The following ATG2B variants were observed in gnomAD, a reference collection of about 807,000 sequenced individuals.
ATG2B encodes the protein autophagy-related protein 2 homolog B.
Under a neutral mutation model 241.3 loss-of-function variants are expected in ATG2B, and 121 were observed. The ratio of observed to expected loss-of-function variants is 0.50; its 90% CI spans 0.43 to 0.58. ATG2B has a LOEUF of 0.58. ATG2B is among the 20% of genes least tolerant of loss of function. The probability of loss-of-function intolerance (pLI) is 0.00; values close to 1 mark genes in which losing one functional copy is unlikely to be tolerated. For missense variants in ATG2B, 2,306 were observed against 2,491.6 expected, an observed-to-expected ratio of 0.93 and a Z score of 1.59; for synonymous variants, 858 against 876.6, an observed-to-expected ratio of 0.98 and a Z score of 0.37.
At chr14:96,329,372 T>C (rs1019776190) in intron 12 of ATG2B, 112 bp downstream of exon 12, 1 of 658,882 alleles carries the variant, frequency 1.5e-6, no homozygotes, top group Non-Finnish European at 2.4e-6. Context: ...AATGACAATA[T>C]TCCTCCTATG....
At chr14:96,317,357 T>C in intron 19 of ATG2B, 40 bp from the exon 20 acceptor site, 2 of 1,505,432 alleles carry the variant, frequency 1.3e-6, no homozygotes, top group Non-Finnish European at 1.8e-6. Context: ...TGATAGCATA[T>C]TAAAACAGCA....
At chr14:96,357,940 A>G (rs192337995) in intron 1 of ATG2B, among the ~76,000 whole-genome samples, 3 of 152,320 alleles carry the variant, frequency 2.0e-5, no homozygotes, top group African/African-American at 7.2e-5. Flanking sequence ...TGAACTATTA[A>G]AAACCTAACA....
chr14:96,358,310 A>T (rs543227419), intron 1 of ATG2B, among the ~76,000 whole-genome samples: 194 of 152,190 alleles, frequency 1.3e-3, no homozygotes, highest in Non-Finnish European at 2.0e-3. Flanking sequence ...GGTGGTGTAC[A>T]TCAGTAGTCC....
intron 29 of ATG2B, among the ~76,000 whole-genome samples, chr14:96,308,231 C>CATATATAT (rs1181364234): frequency 1.1e-4 from 2 of 17,604 alleles, no homozygotes; most frequent in African/African-American, 3.9e-4. Flanking sequence ...TATATATATA[C>CATATATAT]ATATATATAT....
chr14:96,324,082 AG>A, intron 15 of ATG2B, 84 bp from the exon 16 acceptor site: 1 of 885,276 alleles, frequency 1.1e-6, no homozygotes, highest in Non-Finnish European at 1.7e-6. Flanking sequence ...CCTCTCAATC[AG>A]GAACATAATG....
chr14:96,341,768 T>C, intron 5 of ATG2B, 67 bp from the exon 6 acceptor site: 1 of 1,181,634 alleles, frequency 8.5e-7, no homozygotes. Context: ...ATGTAAAATA[T>C]AAATGTCAAC....
rs893280361 is a variant in ATG2B, at chr14:96,294,944, A to C, written c.5426+16T>G. On this transcript the variant is annotated intron_variant, in intron 36 of 41. Coordinates refer to ENST00000359933, the MANE Select transcript of ATG2B (RefSeq NM_018036.7). ...TCTAAAATAACTTCATTTGTTATTAAAACTAAATTAGTTACCTAAAAAACA... is the reference window on the plus strand; with the variant it reads ...TCTAAAATAACTTCATTTGTTATTACAACTAAATTAGTTACCTAAAAAACA... 1 of 1,609,216 alleles carries C rather than the reference A, an allele frequency of 6.2e-7. No homozygotes were observed. The highest frequency in any genetic ancestry group is 8.5e-7 in the Non-Finnish European group (1 of 1,176,260).
intron 41 of ATG2B, among the ~76,000 whole-genome samples, chr14:96,288,148 A>G (rs940696397): frequency 6.6e-6 from 1 of 151,724 alleles, no homozygotes; most frequent in Non-Finnish European, 1.5e-5. Flanking sequence ...AGAGAACTAA[A>G]CTTTAAACCC....
chr14:96,360,400 T>C (rs1238170690), intron 1 of ATG2B, among the ~76,000 whole-genome samples: 10 of 152,222 alleles, frequency 6.6e-5, no homozygotes, highest in Admixed American at 4.6e-4. Flanking sequence ...AAAACTGTAT[T>C]TGGAAATGTT....
In ATG2B at chr14:96,363,232, C is replaced by A; in HGVS notation, c.-256G>T. On this transcript the variant is annotated 5_prime_UTR_variant, in exon 1 of 42. Transcript: ENST00000359933. ...CTTCCGAGGAGGGTCCCAACCGGCT[C>A]GGAGAGAGTGCAAGAGAGCGCGAGA... The A allele has an allele frequency of 4.3e-6, 2 of 460,130 alleles. 1 individual carries two copies. Among genetic ancestry groups the A allele is most frequent in the Non-Finnish European group, 7.8e-6 (2 of 255,986 alleles). 28.5% of individuals were successfully genotyped at this position (460,130 alleles called of 1,614,324 possible). A position where few individuals can be genotyped will look rare whatever the true frequency, so the allele number is the denominator to read the frequency against.
intron 6 of ATG2B, among the ~76,000 whole-genome samples, chr14:96,335,685 C>T (rs548969892): frequency 2.0e-5 from 3 of 152,210 alleles, no homozygotes; most frequent in South Asian, 2.1e-4. Context: ...ACTTATTTTA[C>T]GGGGCACCTT....
chr14:96,326,235 C>T (rs958119931), intron 14 of ATG2B, among the ~76,000 whole-genome samples: 5 of 152,134 alleles, frequency 3.3e-5, no homozygotes, highest in African/African-American at 4.8e-5. Flanking sequence ...ATAAAGAATA[C>T]GGTGTAAATT....
rs537357595 is a variant in ATG2B, at chr14:96,292,762, G to A, written c.5427-664C>T. On this transcript the variant is annotated intron_variant, in intron 36 of 41. Coordinates refer to ENST00000359933, the MANE Select transcript of ATG2B (RefSeq NM_018036.7). Reference sequence around the variant, plus strand: ...TTATCGACAAACAAATATAGGGAACGGTGTGAGAATGAAATTATAATTATA... The same window carrying A: ...TTATCGACAAACAAATATAGGGAACAGTGTGAGAATGAAATTATAATTATA... Among the ~76,000 whole-genome samples the A allele has an allele frequency of 3.3e-4, 50 of 152,304 alleles. No individual in the cohort carries two copies. In the South Asian group the frequency reaches 8.9e-3, roughly 27 times the overall value.
At position 96,279,296 on chromosome 14, in the gene ATG2B, G is replaced by C. The variant is rs1204148624; in HGVS notation, c.*6459C>G. The C allele has an allele frequency of 6.6e-6, 1 of 152,164 alleles. No homozygotes were observed. Among genetic ancestry groups the C allele is most frequent in the Non-Finnish European group, 1.5e-5 (1 of 68,032 alleles). The allele number at this position is 152,164 out of a possible 1,614,324, so 9.4% of individuals were successfully genotyped here. On this transcript the variant is annotated 3_prime_UTR_variant, in exon 42 of 42. Coordinates refer to ENST00000359933, the MANE Select transcript of ATG2B (RefSeq NM_018036.7). Reference sequence around the variant, plus strand: ...AAAACGTGAGCTTACATTGAATAAAGGACATCTGTAAGTAGTAATCATGTG... The same window carrying C: ...AAAACGTGAGCTTACATTGAATAAACGACATCTGTAAGTAGTAATCATGTG...
rs748176146 is a variant in ATG2B, at chr14:96,290,488, G to A, written c.5804C>T (p.Ser1935Leu). 3.7e-6 allele frequency: 6 copies of A among 1,614,106 alleles called. No individual in the cohort carries two copies. The highest frequency in any genetic ancestry group is 2.2e-5 in the South Asian group (2 of 91,084). ...FQRGAASFGT[S>L]TAMAALELTN... ...GAGTTCTAGAGCAGCCATCGCTGTC[G>A]AGGTACCAAAGGAAGCAGCGCCTCT... The change falls in exon 40 of 42, where the codon TCG becomes TTG. Residue 1935 changes from serine to leucine, a missense_variant. Ser to Leu is a moderately radical substitution (Grantham distance 145). Transcript: ENST00000359933. The surrounding 1 kb of genome is among the most constrained non-coding windows in gnomAD (Gnocchi z 4.4).
chr14:96,331,675 G>T, intron 10 of ATG2B, 38 bp from the exon 11 acceptor site: 1 of 1,448,422 alleles, frequency 6.9e-7, no homozygotes, highest in South Asian at 1.4e-5. Flanking sequence ...CATAAAATTT[G>T]ACACATAAAA....
chr14:96,359,278 A>G (rs906100023), intron 1 of ATG2B, among the ~76,000 whole-genome samples: 7 of 151,892 alleles, frequency 4.6e-5, no homozygotes, highest in African/African-American at 1.5e-4. Context: ...GGAGGGGAGG[A>G]GAGGTAGGAG....
At chr14:96,313,555 A>AT (rs1887222344) in intron 23 of ATG2B, 120 bp from the exon 24 acceptor site, 1 of 522,532 alleles carries the variant, frequency 1.9e-6, no homozygotes. Context: ...TTGGAAAATC[A>AT]TAACGGTAAA....
At chr14:96,334,530 A>T (rs776684597) in intron 6 of ATG2B, 29 bp from the exon 7 acceptor site, 15 of 1,346,596 alleles carry the variant, frequency 1.1e-5, no homozygotes, top group Non-Finnish European at 1.4e-5. Context: ...ACTATTCATG[A>T]GGAGTATTCT....
Sources: allele counts gnomAD v4.1 joint callset (sites outside exome capture counted in the v4.1 genomes callset), GRCh38; gene constraint gnomAD v4.1.1; non-coding constraint Gnocchi (gnomAD v3.1); transcripts MANE v1.5; gene names NCBI Gene and HGNC (gene_info 2026-07-23, HGNC 2026-07-21).